FADS2: variants seen among roughly 807,000 people sequenced by gnomAD.
FADS2 encodes the protein acyl-CoA 6-desaturase.
In FADS2, 18 loss-of-function variants were observed where a neutral mutation model predicts 61.2. The ratio of observed to expected loss-of-function variants is 0.29; its 90% CI spans 0.20 to 0.44. FADS2 has a LOEUF of 0.44. Ranked by LOEUF, FADS2 falls within the 20% of genes least tolerant of loss-of-function variation. The pLI, the probability that FADS2 is intolerant of heterozygous loss-of-function variation, is 1.00. For synonymous variants in FADS2, 203 were observed against 223.9 expected, an observed-to-expected ratio of 0.91 and a Z score of 0.83; for missense variants, 322 against 572.7, an observed-to-expected ratio of 0.56 and a Z score of 4.47.
chr11:61,842,807 G>T (rs1303169723), intron 4 of FADS2, among the ~76,000 whole-genome samples: 1 of 152,206 alleles, frequency 6.6e-6, no homozygotes, highest in Non-Finnish European at 1.5e-5. Flanking sequence ...ACAGCCATGG[G>T]GACAAATCTT....
rs2067363341 is a variant in FADS2 at position 61,856,842 on chromosome 11, G to A, written c.745-169G>A. On this transcript the variant is annotated intron_variant, in intron 5 of 11. Coordinates refer to ENST00000278840, the MANE Select transcript of FADS2 (RefSeq NM_004265.4). ...CTGGCTGTAGCATGGGGAGCCCAGA[G>A]GGCTGGAGGGGCCCCAGGCTTGGTG... is the stretch of plus-strand genomic sequence containing the variant. 5 of 650,070 alleles carry A rather than the reference G, an allele frequency of 7.7e-6. No homozygotes were observed. In the Admixed American group the frequency reaches 1.2e-4, roughly 16 times the overall value. 40.3% of individuals were successfully genotyped at this position (650,070 alleles called of 1,614,324 possible).
At chr11:61,824,413 AG>A (rs2067055076), upstream of FADS2, among the ~76,000 whole-genome samples, 5 of 9,056 alleles carry the variant, frequency 5.5e-4, no homozygotes, top group South Asian at 0.011. Context: ...AGAGAGAGAG[AG>A]AGAGAGAGAG....
upstream of FADS2, among the ~76,000 whole-genome samples, chr11:61,827,589 A>T (rs2067094681): frequency 6.6e-6 from 1 of 152,196 alleles, no homozygotes. The surrounding 1 kb of genome is among the most constrained non-coding windows in gnomAD (Gnocchi z 4.5). Context: ...GCGCCAAGGA[A>T]GGGCGTCACC....
chr11:61,856,004 G>T (rs2067355392), intron 5 of FADS2: 1 of 152,334 alleles, frequency 6.6e-6, no homozygotes, highest in Middle Eastern at 3.2e-3. Flanking sequence ...GCTCAGCAAG[G>T]CTAAGCGACT....
intron 4 of FADS2, among the ~76,000 whole-genome samples, chr11:61,841,177 G>A (rs549480967): frequency 3.4e-4 from 52 of 151,220 alleles, no homozygotes; most frequent in Non-Finnish European, 6.9e-4. Flanking sequence ...TCAGCCTCCC[G>A]AGTAGCTGGG....
At position 61,865,965 on chromosome 11, in the gene FADS2, G is replaced by T; in HGVS notation, c.*276G>T. On this transcript the variant is annotated 3_prime_UTR_variant, in exon 12 of 12. Coordinates refer to ENST00000278840, the MANE Select transcript of FADS2 (RefSeq NM_004265.4). The surrounding 1 kb of genome is among the most constrained non-coding windows in gnomAD (Gnocchi z 4.1). ...CCTTCTTCCAAGGAGCAGAGAGGTGGCCACCGGGGGTGGCTCTGTCCTACC... is the reference window on the plus strand; with the variant it reads ...CCTTCTTCCAAGGAGCAGAGAGGTGTCCACCGGGGGTGGCTCTGTCCTACC... The T allele has an allele frequency of 2.0e-6, 1 of 509,432 alleles. No individual in the cohort carries two copies. The highest frequency in any genetic ancestry group is 2.9e-5 in the East Asian group (1 of 34,082). The allele number at this position is 509,432 out of a possible 1,614,324, so 31.6% of individuals were successfully genotyped here. A position where few individuals can be genotyped will look rare whatever the true frequency, so the allele number is the denominator to read the frequency against.
intron 7 of FADS2, among the ~76,000 whole-genome samples, chr11:61,859,140 C>T (rs1466727154): frequency 2.6e-5 from 4 of 152,160 alleles, no homozygotes; most frequent in Non-Finnish European, 5.9e-5. Flanking sequence ...TCACCGAAAC[C>T]TCTGCCTCCT....
chr11:61,847,920 C>T (rs758668067), intron 4 of FADS2: 28 of 487,572 alleles, frequency 5.7e-5, no homozygotes, highest in South Asian at 1.5e-4. Flanking sequence ...CATCTGCCAC[C>T]ATCGTCTTAT....
intron 1 of FADS2, among the ~76,000 whole-genome samples, chr11:61,835,512 A>G (rs1021295506): frequency 2.0e-5 from 3 of 147,588 alleles, no homozygotes; most frequent in Admixed American, 6.8e-5. Flanking sequence ...CCCTGCCTCA[A>G]CCTCCCAAGT....
At chr11:61,817,837 T>C (rs2067000501) in intron 1 of FADS2, among the ~76,000 whole-genome samples, 1 of 152,214 alleles carries the variant, frequency 6.6e-6, no homozygotes. Context: ...ACAAACACTT[T>C]ATAAAGCACT....
At chr11:61,856,011 G>A (rs1591178492) in intron 5 of FADS2, 1 of 152,296 alleles carries the variant, frequency 6.6e-6, no homozygotes, top group Non-Finnish European at 1.5e-5. Flanking sequence ...AAGGCTAAGC[G>A]ACTCACATAG....
At position 61,840,739 on chromosome 11, in the gene FADS2, G is replaced by A; in HGVS notation, c.618+14G>A. 1.9e-6 allele frequency: 3 copies of A among 1,590,574 alleles called. No homozygotes were observed. Among genetic ancestry groups the A allele is most frequent in the African/African-American group, 1.3e-5 (1 of 74,596 alleles). ...GGCCACTTAAAGGTAAGTGTCAGCA[G>A]CCCTGGGCATCTGTCCTGTTGGACA... is the stretch of plus-strand genomic sequence containing the variant. On this transcript the variant is annotated intron_variant, in intron 4 of 11. Transcript: ENST00000278840.
chr11:61,858,820 T>G (rs896856531), intron 7 of FADS2, among the ~76,000 whole-genome samples: 14 of 152,144 alleles, frequency 9.2e-5, no homozygotes, highest in African/African-American at 3.4e-4. Flanking sequence ...TCTTGACTCG[T>G]GATCCACCCG....
chr11:61,848,346 C>T (rs376130983), intron 5 of FADS2, 62 bp downstream of exon 5: 26 of 1,604,910 alleles, frequency 1.6e-5, no homozygotes, highest in African/African-American at 5.4e-5. Context: ...GGCAGACCAT[C>T]GAGGTACAAC....
upstream of FADS2, among the ~76,000 whole-genome samples, chr11:61,825,136 G>A (rs1348029164): frequency 2.0e-5 from 3 of 152,136 alleles, no homozygotes; most frequent in African/African-American, 4.8e-5. Flanking sequence ...CAAACATAAC[G>A]TTAAAATAGA....
At position 61,845,030 on chromosome 11, in the gene FADS2, C is replaced by CTT. The variant is rs71046747; in HGVS notation, c.619-3099_619-3098dup. Among the ~76,000 whole-genome samples, 14 of 44,164 alleles carry CTT rather than the reference C, an allele frequency of 3.2e-4. 5 individuals carry two copies. Among genetic ancestry groups the CTT allele is most frequent in the African/African-American group, 8.7e-4 (10 of 11,492 alleles). 29.0% of individuals were successfully genotyped at this position (44,164 alleles called of 152,430 possible). A position where few individuals can be genotyped will look rare whatever the true frequency, so the allele number is the denominator to read the frequency against. ...TGTTTCCATTAAAGCCAGAAGTGCACTTTTTTTTTTTTTTTTTTTTTTTTT... is the reference window on the plus strand; with the variant it reads ...TGTTTCCATTAAAGCCAGAAGTGCACTTTTTTTTTTTTTTTTTTTTTTTTTTT... On this transcript the variant is annotated intron_variant, in intron 4 of 11. Coordinates refer to ENST00000278840, the MANE Select transcript of FADS2 (RefSeq NM_004265.4).
chr11:61,829,166 C>G (rs2067107075), intron 1 of FADS2: 1 of 153,154 alleles, frequency 6.5e-6, no homozygotes, highest in African/African-American at 2.4e-5. Context: ...CCCAGCAGCT[C>G]GGGTTCCCAC....
intron 5 of FADS2, among the ~76,000 whole-genome samples, chr11:61,849,355 G>A (rs2067287222): frequency 6.6e-6 from 1 of 152,126 alleles, no homozygotes; most frequent in South Asian, 2.1e-4. Context: ...AAACAGTACA[G>A]AAATATCCAG....
chr11:61,826,169 G>A (rs2067083683), upstream of FADS2: 1 of 702,592 alleles, frequency 1.4e-6, no homozygotes, highest in Middle Eastern at 2.3e-4. Flanking sequence ...CCTTACTGAG[G>A]CTGCTGGGGC....
Sources: gnomAD v4.1 joint callset for allele counts (sites outside exome capture counted in the v4.1 genomes callset) on GRCh38, gnomAD v4.1.1 for gene constraint, Gnocchi (gnomAD v3.1) non-coding constraint, MANE v1.5 for transcripts, NCBI Gene and HGNC (gene_info 2026-07-23, HGNC 2026-07-21) for gene names.